The following KCNAB1 variants were observed in gnomAD, a reference collection of about 807,000 sequenced individuals.
KCNAB1 encodes the protein voltage-gated potassium channel subunit beta-1.
A neutral mutation model predicts 64.6 loss-of-function variants in KCNAB1; 35 were observed. The ratio of observed to expected loss-of-function variants is 0.54; its 90% CI spans 0.41 to 0.72. The LOEUF is 0.72. Ranked by LOEUF, KCNAB1 falls within the 30% of genes least tolerant of loss-of-function variation. The pLI is 0.00. For missense variants in KCNAB1, 401 were observed against 512.9 expected (o/e 0.78, Z 2.11); for synonymous variants, 177 against 183.8 (o/e 0.96, Z 0.30).
At chr3:156,235,360 G>A (rs1716786093) in intron 1 of KCNAB1, among the ~76,000 whole-genome samples, 1 of 152,078 alleles carries the variant, frequency 6.6e-6, no homozygotes, top group African/African-American at 2.4e-5. Flanking sequence ...CTCAAATCTT[G>A]CCCTTCATCT....
At chr3:156,168,979 C>G (rs762071235) in intron 1 of KCNAB1, among the ~76,000 whole-genome samples, 2 of 151,518 alleles carry the variant, frequency 1.3e-5, no homozygotes, top group Non-Finnish European at 2.9e-5. Context: ...ATTTCTTTTC[C>G]AGTAGAAATA....
At chr3:156,222,864 A>C (rs1273770598) in intron 1 of KCNAB1, among the ~76,000 whole-genome samples, 2 of 152,238 alleles carry the variant, frequency 1.3e-5, no homozygotes, top group Admixed American at 6.5e-5. Flanking sequence ...ATGGGAATTA[A>C]AAAAGTCTTT....
At chr3:156,121,034 A>G (rs1713312162) in intron 1 of KCNAB1, 148 bp downstream of exon 1, 1 of 941,294 alleles carries the variant, frequency 1.1e-6, no homozygotes, top group Admixed American at 2.8e-5. Context: ...GTGTAACCAC[A>G]AAGAGCAGGA....
intron 1 of KCNAB1, among the ~76,000 whole-genome samples, chr3:156,375,943 C>T (rs1251045134): frequency 6.6e-6 from 1 of 152,140 alleles, no homozygotes; most frequent in Non-Finnish European, 1.5e-5. Context: ...CCTCAGCCTC[C>T]CAAGTAGCTG....
At chr3:156,303,014 T>C (rs1180278279) in intron 1 of KCNAB1, among the ~76,000 whole-genome samples, 1 of 152,174 alleles carries the variant, frequency 6.6e-6, no homozygotes, top group African/African-American at 2.4e-5. Flanking sequence ...TCCATAAAAC[T>C]CACGCTGTCC....
intron 1 of KCNAB1, among the ~76,000 whole-genome samples, chr3:156,375,555 A>G (rs73873345): frequency 0.044 from 6,003 of 135,144 alleles, 2,042 homozygotes; most frequent in African/African-American, 0.19. Context: ...TGAATTATAA[A>G]ATGGTGTTTG....
intron 1 of KCNAB1, among the ~76,000 whole-genome samples, chr3:156,205,134 G>A (rs1350222536): frequency 6.6e-6 from 1 of 152,078 alleles, no homozygotes; most frequent in Non-Finnish European, 1.5e-5. Context: ...GTAAAGAAGG[G>A]ATTCTTAGAA....
At chr3:156,134,783 T>A (rs561323949) in intron 1 of KCNAB1, among the ~76,000 whole-genome samples, 41 of 152,320 alleles carry the variant, frequency 2.7e-4, no homozygotes, top group South Asian at 2.5e-3. Context: ...AAAGAAAACA[T>A]TCTAGCACAA....
At chr3:156,183,300 A>C (rs1712987324) in intron 1 of KCNAB1, among the ~76,000 whole-genome samples, 1 of 152,088 alleles carries the variant, frequency 6.6e-6, no homozygotes, top group South Asian at 2.1e-4. Flanking sequence ...GGTGGGAGAT[A>C]AGTCTCAAGG....
chr3:156,433,768 C>T (rs1042396928), intron 2 of KCNAB1, among the ~76,000 whole-genome samples: 2 of 152,152 alleles, frequency 1.3e-5, no homozygotes, highest in African/African-American at 4.8e-5. Context: ...ATTTACTCCT[C>T]ACTTGGGTTT....
rs986838263 is a variant in KCNAB1, at chr3:156,280,740, G to A, written c.276-140876G>A. On this transcript the variant is annotated intron_variant, in intron 1 of 13. Transcript: ENST00000490337. ...ATTCTCTTTGAAGCAATTGTGAATG[G>A]GAGTTCACTCATGATTTGGCTCTCT... is the stretch of plus-strand genomic sequence containing the variant. 2.7e-3 allele frequency among the ~76,000 whole-genome samples: 403 copies of A among 151,772 alleles called. 3 individuals carry two copies. Among genetic ancestry groups the A allele is most frequent in the African/African-American group, 9.1e-3 (375 of 41,396 alleles).
In KCNAB1 at chr3:156,136,093, T is replaced by G. The variant is rs149564726; in HGVS notation, c.275+15207T>G. 6.5e-3 allele frequency among the ~76,000 whole-genome samples: 995 copies of G among 152,328 alleles called. 13 individuals are homozygous for G. Among genetic ancestry groups the G allele is most frequent in the African/African-American group, 0.023 (942 of 41,558 alleles). On this transcript the variant is annotated intron_variant, in intron 1 of 13. Coordinates refer to ENST00000490337, the MANE Select transcript of KCNAB1 (RefSeq NM_172160.3). Reference sequence around the variant, plus strand: ...AAGTCTCCCACGTATAACTGTGTGTTCTGTGCACTGCACAACACTAGGGGG... The same window carrying G: ...AAGTCTCCCACGTATAACTGTGTGTGCTGTGCACTGCACAACACTAGGGGG...
chr3:156,188,639 A>G (rs184100038), intron 1 of KCNAB1, among the ~76,000 whole-genome samples: 58 of 152,346 alleles, frequency 3.8e-4, no homozygotes, highest in Non-Finnish European at 6.5e-4. Flanking sequence ...ACTAATTTCA[A>G]TATACATTAA....
chr3:156,292,457 T>C lies in KCNAB1; in HGVS notation c.276-129159T>C, dbSNP rs77321273. Among the ~76,000 whole-genome samples the C allele has an allele frequency of 6.3e-3, 959 of 152,324 alleles. 7 individuals are homozygous for C. Among genetic ancestry groups the C allele is most frequent in the African/African-American group, 0.022 (917 of 41,572 alleles). On this transcript the variant is annotated intron_variant, in intron 1 of 13. Transcript: ENST00000490337. ...GTTTTTCAGTAGCAAATGTGTTTGTTCTATTTTATGATAAAGACAGTAGTT... is the reference window on the plus strand; with the variant it reads ...GTTTTTCAGTAGCAAATGTGTTTGTCCTATTTTATGATAAAGACAGTAGTT...
In KCNAB1 at chr3:156,322,291, A is replaced by G. The variant is rs138840061; in HGVS notation, c.276-99325A>G. On this transcript the variant is annotated intron_variant, in intron 1 of 13. Transcript: ENST00000490337. ...TATCAAATTTGAATATGTTAAATGA[A>G]CGTTTGATGTGACTGAACTCAAAAT... Among the ~76,000 whole-genome samples, 227 of 152,294 alleles carry G rather than the reference A, an allele frequency of 1.5e-3. 3 individuals carry two copies. The highest frequency in any genetic ancestry group is 7.9e-3 in the East Asian group (41 of 5,192).
chr3:156,162,204 C>G (rs1160429611), intron 1 of KCNAB1, among the ~76,000 whole-genome samples: 1 of 151,972 alleles, frequency 6.6e-6, no homozygotes. Context: ...TAAACATTGC[C>G]TATGGCCAAA....
intron 1 of KCNAB1, among the ~76,000 whole-genome samples, chr3:156,164,258 C>G (rs138421393): frequency 6.6e-6 from 1 of 152,096 alleles, no homozygotes; most frequent in Non-Finnish European, 1.5e-5. Flanking sequence ...AATAAGAGAG[C>G]ATTATACCTT....
rs557593823 is a variant in KCNAB1 at position 156,264,260 on chromosome 3, AT to A, written c.275+143381del. On this transcript the variant is annotated intron_variant, in intron 1 of 13. Transcript: ENST00000490337. ...TTTGCATGGTCTATCTTTTTACAAT[AT>A]TTTTTTCAACTTATATTTTTCGTTG... Among the ~76,000 whole-genome samples the A allele has an allele frequency of 1.3e-3, 198 of 151,788 alleles. No homozygotes were observed. The South Asian group carries it at 0.017, about 13-fold the overall frequency.
intron 1 of KCNAB1, among the ~76,000 whole-genome samples, chr3:156,311,150 A>T (rs1399788671): frequency 6.6e-6 from 1 of 152,142 alleles, no homozygotes; most frequent in African/African-American, 2.4e-5. Flanking sequence ...AATATGAATT[A>T]AATATGAGGT....
Sources: allele counts gnomAD v4.1 joint callset (sites outside exome capture counted in the v4.1 genomes callset), GRCh38; gene constraint gnomAD v4.1.1; transcripts MANE v1.5; gene names NCBI Gene and HGNC (gene_info 2026-07-23, HGNC 2026-07-21).